The following FOXK1 variants were observed in gnomAD, a reference collection of about 807,000 sequenced individuals.
FOXK1 encodes forkhead box K1, also known as forkhead box protein K1.
Under a neutral mutation model 51.9 loss-of-function variants are expected in FOXK1, and 19 were observed. The ratio of observed to expected loss-of-function variants is 0.37; its 90% confidence interval spans 0.26 to 0.54. FOXK1 has a LOEUF of 0.54. FOXK1 is among the 20% of genes least tolerant of loss of function. FOXK1 has a pLI of 0.87. For synonymous variants in FOXK1, 537 were observed against 482.6 expected (o/e 1.11, Z -1.48); for missense variants, 870 against 1,032.7 (o/e 0.84, Z 2.16).
chr7:4,752,516 G>A (rs1780792435), intron 2 of FOXK1, among the ~76,000 whole-genome samples: 1 of 152,324 alleles, frequency 6.6e-6, no homozygotes, highest in Admixed American at 6.5e-5. Context: ...ACACGTGCTG[G>A]GCCATCACTG....
chr7:4,758,507 G>A lies in FOXK1; in HGVS notation c.1245-544G>A, dbSNP rs564774200. On this transcript the variant is annotated intron_variant, in intron 5 of 8. Coordinates refer to ENST00000328914, the MANE Select transcript of FOXK1 (RefSeq NM_001037165.2). This position sits in a 1 kb window ranked among gnomAD's most constrained non-coding sequence, Gnocchi z 4.4. ...AATTCTGTTTCCAACACGATTTGAT[G>A]AAAGATTGAAATATCTGAAAATTCA... 3.3e-5 allele frequency: 5 copies of A among 152,682 alleles called. No individual in the cohort carries two copies. Among genetic ancestry groups the A allele is most frequent in the Admixed American group, 1.3e-4 (2 of 15,326 alleles). The allele number at this position is 152,682 out of a possible 1,614,324, so 9.5% of individuals were successfully genotyped here.
In FOXK1 at chr7:4,730,226, C is replaced by T. The variant is rs1020827796; in HGVS notation, c.561-10612C>T. Among the ~76,000 whole-genome samples the T allele has an allele frequency of 6.6e-6, 1 of 152,192 alleles. No homozygotes were observed. The highest frequency in any genetic ancestry group is 6.5e-5 in the Admixed American group (1 of 15,278). ...GAACTTATAAACACTAAAACTGCTA[C>T]CGGGTTTTAATTCACACACACCACG... is the stretch of plus-strand genomic sequence containing the variant. On this transcript the variant is annotated intron_variant, in intron 1 of 8. Transcript: ENST00000328914. The surrounding 1 kb of genome is among the most constrained non-coding windows in gnomAD (Gnocchi z 4.7).
rs576850093 is a variant in FOXK1 at position 4,693,572 on chromosome 7, G to A, written c.560+10704G>A. ...TAGTTACTGCCGTTATTTTCCCTGGGGGCCTCTGTCGCCCAAGCCGCTCTC... is the reference window on the plus strand; with the variant it reads ...TAGTTACTGCCGTTATTTTCCCTGGAGGCCTCTGTCGCCCAAGCCGCTCTC... On this transcript the variant is annotated intron_variant, in intron 1 of 8. Coordinates refer to ENST00000328914, the MANE Select transcript of FOXK1 (RefSeq NM_001037165.2). Among the ~76,000 whole-genome samples, 6 of 152,210 alleles carry A rather than the reference G, an allele frequency of 3.9e-5. No homozygotes were observed. In the East Asian group the frequency reaches 1.2e-3, roughly 29 times the overall value.
rs936441551 is a variant in FOXK1, at chr7:4,733,856, G to T, written c.561-6982G>T. Among the ~76,000 whole-genome samples the T allele has an allele frequency of 5.3e-5, 8 of 152,222 alleles. No homozygotes were observed. The highest frequency in any genetic ancestry group is 8.8e-5 in the Non-Finnish European group (6 of 68,042). On this transcript the variant is annotated intron_variant, in intron 1 of 8. Transcript: ENST00000328914. The surrounding 1 kb of genome is among the most constrained non-coding windows in gnomAD (Gnocchi z 5.0). Reference sequence around the variant, plus strand: ...GAGCCTTTCCCTGGTCTTTAGTCCGGCTGACATCCTCTCTCTGGCCGTCAT... The same window carrying T: ...GAGCCTTTCCCTGGTCTTTAGTCCGTCTGACATCCTCTCTCTGGCCGTCAT...
At chr7:4,732,456 C>G (rs1166342766) in intron 1 of FOXK1, among the ~76,000 whole-genome samples, 1 of 152,164 alleles carries the variant, frequency 6.6e-6, no homozygotes, top group Non-Finnish European at 1.5e-5. Context: ...CCACACCTGG[C>G]TAATTTCTTA....
chr7:4,768,121 C>CTTTTTTTTTTTT lies in FOXK1; in HGVS notation c.*5675_*5686dup, dbSNP rs749703452. On this transcript the variant is annotated 3_prime_UTR_variant, in exon 9 of 9. Transcript: ENST00000328914. ...AAAAACAGACCCATTTCACTGACTT[C>CTTTTTTTTTTTT]TTTTTTTTTTTTTTTTTTTTTTTTT... 6 of 79,170 alleles carry CTTTTTTTTTTTT rather than the reference C, an allele frequency of 7.6e-5. 1 individual carries two copies. The highest frequency in any genetic ancestry group is 2.6e-4 in the African/African-American group (4 of 15,492). The allele number at this position is 79,170 out of a possible 1,614,324, so 4.9% of individuals were successfully genotyped here. A position where few individuals can be genotyped will look rare whatever the true frequency, so the allele number is the denominator to read the frequency against.
Position 4,763,823 on chromosome 7 carries a change from G to C in FOXK1, c.*1359G>C, listed in dbSNP as rs929761177. The C allele has an allele frequency of 1.3e-5, 2 of 152,316 alleles. No homozygotes were observed. Among genetic ancestry groups the C allele is most frequent in the Non-Finnish European group, 2.9e-5 (2 of 68,100 alleles). The allele number at this position is 152,316 out of a possible 1,614,324, so 9.4% of individuals were successfully genotyped here. On this transcript the variant is annotated 3_prime_UTR_variant, in exon 9 of 9. Coordinates refer to ENST00000328914, the MANE Select transcript of FOXK1 (RefSeq NM_001037165.2). ...AGAGAGGAGTCCTTCAGTGTGTCTT[G>C]GAGATGCGAAGTGCGTCCTCGTAAA...
chr7:4,743,702 C>T lies in FOXK1; in HGVS notation c.746+2679C>T, dbSNP rs1583205647. Among the ~76,000 whole-genome samples, 1 of 152,180 alleles carries T rather than the reference C, an allele frequency of 6.6e-6. No homozygotes were observed. The highest frequency in any genetic ancestry group is 6.6e-5 in the Admixed American group (1 of 15,262). On this transcript the variant is annotated intron_variant, in intron 2 of 8. Coordinates refer to ENST00000328914, the MANE Select transcript of FOXK1 (RefSeq NM_001037165.2). This position sits in a 1 kb window ranked among gnomAD's most constrained non-coding sequence, Gnocchi z 5.3. The stretch of plus-strand genomic sequence containing the variant: ...AGACCAGCTCACGTGCTAGTGGAAG[C>T]TCACACCAGAAGAGGCTGGTCCTGC...
rs571794971 is a variant in FOXK1, at chr7:4,735,170, G to A, written c.561-5668G>A. Among the ~76,000 whole-genome samples, 12 of 152,192 alleles carry A rather than the reference G, an allele frequency of 7.9e-5. No homozygotes were observed. Among genetic ancestry groups the A allele is most frequent in the African/African-American group, 1.7e-4 (7 of 41,532 alleles). ...GTGGAGCGGTGGCCAGTTCCAGCTC[G>A]CTGTGTAGAGACGGCTCTGTGGTCT... is the stretch of plus-strand genomic sequence containing the variant. On this transcript the variant is annotated intron_variant, in intron 1 of 8. Transcript: ENST00000328914. This position sits in a 1 kb window ranked among gnomAD's most constrained non-coding sequence, Gnocchi z 4.7.
At chr7:4,693,014 A>G (rs374372329) in intron 1 of FOXK1, among the ~76,000 whole-genome samples, 56 of 152,302 alleles carry the variant, frequency 3.7e-4, no homozygotes, top group African/African-American at 1.3e-3. Flanking sequence ...ATCCTCTGCT[A>G]TAATATCCTT....
In FOXK1 at chr7:4,745,283, G is replaced by A. The variant is rs1255793213; in HGVS notation, c.746+4260G>A. On this transcript the variant is annotated intron_variant, in intron 2 of 8. Coordinates refer to ENST00000328914, the MANE Select transcript of FOXK1 (RefSeq NM_001037165.2). The surrounding 1 kb of genome is among the most constrained non-coding windows in gnomAD (Gnocchi z 4.3). ...TGGAGTGGCTGGCTCGGTGTAGGCCGGGCTCGCCCAGGGCCCCTCATTCCC... is the reference window on the plus strand; with the variant it reads ...TGGAGTGGCTGGCTCGGTGTAGGCCAGGCTCGCCCAGGGCCCCTCATTCCC... 2.6e-5 allele frequency among the ~76,000 whole-genome samples: 4 copies of A among 152,094 alleles called. No individual in the cohort carries two copies. Among genetic ancestry groups the A allele is most frequent in the African/African-American group, 7.2e-5 (3 of 41,416 alleles).
rs1346735136 is a variant in FOXK1, at chr7:4,693,534, C to T, written c.560+10666C>T. Among the ~76,000 whole-genome samples, 4 of 152,110 alleles carry T rather than the reference C, an allele frequency of 2.6e-5. 1 individual carries two copies. The highest frequency in any genetic ancestry group is 3.9e-4 in the East Asian group (2 of 5,186). On this transcript the variant is annotated intron_variant, in intron 1 of 8. Transcript: ENST00000328914. ...AATTTTTTGATGATTTAGGGTGGCA[C>T]GATTCATCCTGTTAGTTACTGCCGT...
rs1156418423 is a variant in FOXK1 at position 4,733,862 on chromosome 7, A to G, written c.561-6976A>G. Among the ~76,000 whole-genome samples the G allele has an allele frequency of 6.6e-6, 1 of 152,166 alleles. No homozygotes were observed. The highest frequency in any genetic ancestry group is 2.4e-5 in the African/African-American group (1 of 41,440). On this transcript the variant is annotated intron_variant, in intron 1 of 8. Transcript: ENST00000328914. The surrounding 1 kb of genome is among the most constrained non-coding windows in gnomAD (Gnocchi z 5.0). Reference sequence around the variant, plus strand: ...TTCCCTGGTCTTTAGTCCGGCTGACATCCTCTCTCTGGCCGTCATAGCCAG... The same window carrying G: ...TTCCCTGGTCTTTAGTCCGGCTGACGTCCTCTCTCTGGCCGTCATAGCCAG...
rs1187799096 is a variant in FOXK1, at chr7:4,770,968, T to A, written c.*8504T>A. On this transcript the variant is annotated 3_prime_UTR_variant, in exon 9 of 9. Coordinates refer to ENST00000328914, the MANE Select transcript of FOXK1 (RefSeq NM_001037165.2). ...ACAACATGTTTGATAATCAGTGCTT[T>A]AAAAAGCAGCAGTGTCCTATGAAGT... 1.3e-5 allele frequency: 2 copies of A among 151,930 alleles called. No individual in the cohort carries two copies. The highest frequency in any genetic ancestry group is 2.1e-4 in the South Asian group (1 of 4,808). The allele number at this position is 151,930 out of a possible 1,614,324, so 9.4% of individuals were successfully genotyped here.
rs1003085221 is a variant in FOXK1, at chr7:4,714,323, G to T, written c.561-26515G>T. Among the ~76,000 whole-genome samples the T allele has an allele frequency of 4.6e-5, 7 of 152,266 alleles. No individual in the cohort carries two copies. In the East Asian group the frequency reaches 9.7e-4, roughly 21 times the overall value. ...TGAGACAGTCTCGCTGTGTCACCCA[G>T]GCTGGAGTGCAATGGCGCGATCTCA... is the stretch of plus-strand genomic sequence containing the variant. On this transcript the variant is annotated intron_variant, in intron 1 of 8. Coordinates refer to ENST00000328914, the MANE Select transcript of FOXK1 (RefSeq NM_001037165.2).
At chr7:4,744,138 C>G (rs1377328528) in intron 2 of FOXK1, among the ~76,000 whole-genome samples, 1 of 152,114 alleles carries the variant, frequency 6.6e-6, no homozygotes. Context: ...AAAAATAAAA[C>G]TATTTCCCAG....
chr7:4,706,577 A>G (rs1487358501), intron 1 of FOXK1, among the ~76,000 whole-genome samples: 1 of 152,172 alleles, frequency 6.6e-6, no homozygotes, highest in African/African-American at 2.4e-5. Context: ...CCCTTCCTCA[A>G]TGTGGGCAGA....
rs1313061139 is a variant in FOXK1, at chr7:4,749,762, C to T, written c.747-4697C>T. Among the ~76,000 whole-genome samples, 1 of 152,254 alleles carries T rather than the reference C, an allele frequency of 6.6e-6. No individual in the cohort carries two copies. The highest frequency in any genetic ancestry group is 1.5e-5 in the Non-Finnish European group (1 of 68,048). On this transcript the variant is annotated intron_variant, in intron 2 of 8. Coordinates refer to ENST00000328914, the MANE Select transcript of FOXK1 (RefSeq NM_001037165.2). The surrounding 1 kb of genome is among the most constrained non-coding windows in gnomAD (Gnocchi z 6.0). ...AGGGTGGACTGGAAGGACCGCAGCC[C>T]TGTGCCCTGGGGAAGGCTTGTCTTA...
chr7:4,710,858 G>T (rs142696891), intron 1 of FOXK1, among the ~76,000 whole-genome samples: 53 of 152,278 alleles, frequency 3.5e-4, no homozygotes, highest in African/African-American at 1.3e-3. Context: ...ATTCCACGTC[G>T]TGGATTTTTC....
Sources: gnomAD v4.1 joint callset for allele counts (sites outside exome capture counted in the v4.1 genomes callset) on GRCh38, gnomAD v4.1.1 for gene constraint, Gnocchi (gnomAD v3.1) non-coding constraint, MANE v1.5 for transcripts, NCBI Gene and HGNC (gene_info 2026-07-23, HGNC 2026-07-21) for gene names.